ZNF653: variants seen among roughly 807,000 people sequenced by gnomAD.
ZNF653 encodes zinc finger protein 653.
In ZNF653, 37 loss-of-function variants were observed where a neutral mutation model predicts 59.9. The observed-to-expected ratio is 0.62, with a 90% CI of 0.48 to 0.81. The LOEUF is 0.81. Ranked by LOEUF, ZNF653 falls within the 40% of genes least tolerant of loss-of-function variation. The pLI is 0.00. For synonymous variants in ZNF653, 435 were observed against 371.8 expected, an observed-to-expected ratio of 1.17 and a Z score of -1.96; for missense variants, 808 against 881.1, an observed-to-expected ratio of 0.92 and a Z score of 1.05.
chr19:11,483,729 C>A lies in ZNF653; in HGVS notation c.1801G>T (p.Val601Phe), dbSNP rs374332751. ...TGGCTTTTGAGCGTGTGGAACTTGA[C>A]GCTGTCCAGCTTCTCGAAGCGCTTC... ...CGKRFEKLDS[V>F]KFHTLKSHPD... is the part of the protein sequence containing the mutation. Residue 601 changes from valine to phenylalanine, a missense_variant, in exon 9 of 9, where the codon GTC becomes TTC. By Grantham distance (50) the Val-to-Phe change is conservative (BLOSUM62 -1). Transcript: ENST00000293771. 1 of 1,613,716 alleles carries A rather than the reference C, an allele frequency of 6.2e-7. No individual in the cohort carries two copies. Among genetic ancestry groups the A allele is most frequent in the Non-Finnish European group, 8.5e-7 (1 of 1,179,670 alleles).
chr19:11,497,895 C>T (rs1971605020), intron 2 of ZNF653, among the ~76,000 whole-genome samples: 1 of 152,214 alleles, frequency 6.6e-6, no homozygotes, highest in Non-Finnish European at 1.5e-5. Context: ...GGCCTTCACC[C>T]TGCTGGACAT....
rs375623975 is a variant in ZNF653 at position 11,486,857 on chromosome 19, C to T, written c.1367G>A (p.Arg456Gln). The T allele has an allele frequency of 6.8e-5, 110 of 1,611,124 alleles. No individual in the cohort carries two copies. Among genetic ancestry groups the T allele is most frequent in the Middle Eastern group, 1.6e-4 (1 of 6,080 alleles). Residue 456 changes from arginine to glutamine, a missense_variant, in exon 6 of 9, where the codon CGG becomes CAG. Arg to Gln is a conservative substitution (Grantham distance 43, BLOSUM62 1). Coordinates refer to ENST00000293771, the MANE Select transcript of ZNF653 (RefSeq NM_138783.4). ...PEKRRRSKRS[R>Q]VMDADGLLEM... ...GAGCAGGCCGTCAGCATCCATCACC[C>T]GCGACCGCTTGCTCCGCCGCCTCCT...
In ZNF653 at chr19:11,483,447, T is replaced by A; in HGVS notation, c.*235A>T. On this transcript the variant is annotated 3_prime_UTR_variant, in exon 9 of 9. Transcript: ENST00000293771. ...GGGCATCTCCTTTCTCGCTCTTTAA[T>A]CTCACTCTGCTCTCTTGACACAGTT... 7.4e-7 allele frequency: 1 copy of A among 1,343,318 alleles called. No homozygotes were observed. Among genetic ancestry groups the A allele is most frequent in the Non-Finnish European group, 9.5e-7 (1 of 1,048,534 alleles). The allele number at this position is 1,343,318 out of a possible 1,614,324, so 83.2% of individuals were successfully genotyped here. A position where few individuals can be genotyped will look rare whatever the true frequency, so the allele number is the denominator to read the frequency against.
chr19:11,493,829 G>GGCAAC (rs1241424405), intron 3 of ZNF653, among the ~76,000 whole-genome samples: 1 of 151,900 alleles, frequency 6.6e-6, no homozygotes, highest in Non-Finnish European at 1.5e-5. Context: ...GACCAGCCTG[G>GGCAAC]GCAACACAGT....
intron 3 of ZNF653, among the ~76,000 whole-genome samples, chr19:11,493,047 C>T (rs1379824949): frequency 3.3e-5 from 5 of 150,066 alleles, no homozygotes; most frequent in Admixed American, 1.3e-4. Flanking sequence ...CCACTGTACC[C>T]GGCCCTCGGG....
intron 1 of ZNF653, among the ~76,000 whole-genome samples, chr19:11,502,555 C>A (rs1342555648): frequency 6.6e-6 from 1 of 152,190 alleles, no homozygotes; most frequent in African/African-American, 2.4e-5. Flanking sequence ...AAAATACAAA[C>A]CAGGCTGTGT....
chr19:11,498,163 C>T lies in ZNF653; in HGVS notation c.343+133G>A, dbSNP rs150397476. ...GCCTGAGACACAAGACACGCAGACC[C>T]GGGTTTGAGGTCGGGCTCTGCTGGT... On this transcript the variant is annotated intron_variant, in intron 2 of 8. Transcript: ENST00000293771. 0.01 allele frequency: 11,910 copies of T among 1,189,470 alleles called. 99 individuals carry two copies. Among genetic ancestry groups the T allele is most frequent in the Non-Finnish European group, 0.012 (9,930 of 814,528 alleles). 73.7% of individuals were successfully genotyped at this position (1,189,470 alleles called of 1,614,324 possible). A position where few individuals can be genotyped will look rare whatever the true frequency, so the allele number is the denominator to read the frequency against.
At chr19:11,488,806 C>T (rs1971499475) in intron 3 of ZNF653, among the ~76,000 whole-genome samples, 1 of 151,706 alleles carries the variant, frequency 6.6e-6, no homozygotes, top group Non-Finnish European at 1.5e-5. Context: ...CTGTGTTAGC[C>T]AGGATGGTCT....
chr19:11,489,447 C>G (rs1470515102), intron 3 of ZNF653, among the ~76,000 whole-genome samples: 1 of 152,172 alleles, frequency 6.6e-6, no homozygotes, highest in Non-Finnish European at 1.5e-5. Context: ...GATCTGCCCG[C>G]CCGGGCCTCC....
At chr19:11,504,575 G>T (rs1234942917) in intron 1 of ZNF653, 1 of 985,090 alleles carries the variant, frequency 1.0e-6, no homozygotes, top group Non-Finnish European at 1.2e-6. Context: ...GAAAGGGGTG[G>T]GTATAACTTA....
At chr19:11,504,092 G>A (rs1272808546) in intron 1 of ZNF653, among the ~76,000 whole-genome samples, 1 of 152,110 alleles carries the variant, frequency 6.6e-6, no homozygotes, top group African/African-American at 2.4e-5. Context: ...GCGAGAGAGT[G>A]AGACCCTGTC....
chr19:11,499,650 TC>T (rs1327051673), intron 1 of ZNF653, among the ~76,000 whole-genome samples: 1 of 149,632 alleles, frequency 6.7e-6, no homozygotes, highest in African/African-American at 2.5e-5. Context: ...CGTGGCTCAT[TC>T]CTGTAATCTC....
intron 7 of ZNF653, 88 bp downstream of exon 7, chr19:11,485,568 G>A (rs1971456939): frequency 9.5e-7 from 1 of 1,049,856 alleles, no homozygotes; most frequent in Non-Finnish European, 1.5e-6. Context: ...ACCCAGCACT[G>A]GGCTTTGACC....
In ZNF653 at chr19:11,505,642, G is replaced by A; in HGVS notation, c.145C>T (p.Leu49Phe). 6.7e-7 allele frequency: 1 copy of A among 1,498,658 alleles called. No individual in the cohort carries two copies. The highest frequency in any genetic ancestry group is 8.8e-7 in the Non-Finnish European group (1 of 1,131,184). 92.8% of individuals were successfully genotyped at this position (1,498,658 alleles called of 1,614,324 possible). Reference sequence around the variant, plus strand: ...ACGTCGTACTTCTTCCGGGACTCGAGCCGTCGCCGGGCCCGGTCCGACTCC... The same window carrying A: ...ACGTCGTACTTCTTCCGGGACTCGAACCGTCGCCGGGCCCGGTCCGACTCC... The part of the protein sequence containing the change: ...LTESDRARRR[L>F]ESRKKYDVRR... The change falls in exon 1 of 9, where the codon CTC becomes TTC. Residue 49 changes from leucine to phenylalanine, a missense_variant. Leu to Phe is a conservative substitution (Grantham distance 22). Transcript: ENST00000293771.
intron 5 of ZNF653, 25 bp from the exon 6 acceptor site, chr19:11,486,905 C>T (rs769751777): frequency 4.3e-6 from 7 of 1,610,492 alleles, no homozygotes; most frequent in East Asian, 2.2e-5. Context: ...GCCATGACAT[C>T]GGGGCTCCCG....
chr19:11,498,358 G>A lies in ZNF653; in HGVS notation c.300-19C>T, dbSNP rs1971609921. Reference sequence around the variant, plus strand: ...AGGCTTCCTGCAACAGAAAGAGGCAGAGAGGGTGAACGGGGGACCAGCGCT... The same window carrying A: ...AGGCTTCCTGCAACAGAAAGAGGCAAAGAGGGTGAACGGGGGACCAGCGCT... On this transcript the variant is annotated intron_variant, in intron 1 of 8. Coordinates refer to ENST00000293771, the MANE Select transcript of ZNF653 (RefSeq NM_138783.4). 6.2e-7 allele frequency: 1 copy of A among 1,614,024 alleles called. No homozygotes were observed. Among genetic ancestry groups the A allele is most frequent in the African/African-American group, 1.3e-5 (1 of 75,064 alleles).
chr19:11,491,716 T>A (rs1430301287), intron 3 of ZNF653, among the ~76,000 whole-genome samples: 3 of 152,088 alleles, frequency 2.0e-5, no homozygotes, highest in Non-Finnish European at 4.4e-5. Flanking sequence ...GCCTCCCAAG[T>A]AGCTGGGACT....
intron 3 of ZNF653, among the ~76,000 whole-genome samples, chr19:11,490,974 C>T (rs1308200608): frequency 1.3e-5 from 2 of 152,216 alleles, no homozygotes; most frequent in Non-Finnish European, 2.9e-5. Flanking sequence ...CTCTCTCTCA[C>T]ACCCACTTCC....
chr19:11,496,518 A>G (rs1971590386), intron 2 of ZNF653, among the ~76,000 whole-genome samples: 1 of 152,054 alleles, frequency 6.6e-6, no homozygotes, highest in Non-Finnish European at 1.5e-5. Context: ...ACCACCCCCT[A>G]CAGCCGCAAG....
Sources: gnomAD v4.1 joint callset for allele counts (sites outside exome capture counted in the v4.1 genomes callset) on GRCh38, gnomAD v4.1.1 for gene constraint, MANE v1.5 for transcripts, NCBI Gene and HGNC (gene_info 2026-07-23, HGNC 2026-07-21) for gene names.